Variants in PCDH9 observed in about 807,000 individuals in gnomAD.
PCDH9 encodes the protein protocadherin 9.
Under a neutral mutation model 70.6 loss-of-function variants are expected in PCDH9, and 24 were observed. The ratio of observed to expected loss-of-function variants is 0.34; its 90% CI spans 0.25 to 0.48. PCDH9 has a LOEUF of 0.48. Ranked by LOEUF, PCDH9 falls within the 20% of genes least tolerant of loss-of-function variation. The probability of loss-of-function intolerance (pLI) is 0.99; values close to 1 mark genes in which losing one functional copy is unlikely to be tolerated. For missense variants in PCDH9, 1,281 were observed against 1,503.6 expected, an observed-to-expected ratio of 0.85 and a Z score of 2.45; for synonymous variants, 562 against 558.5, an observed-to-expected ratio of 1.01 and a Z score of -0.09.
At chr13:66,631,179 C>A (rs1166474502) in intron 4 of PCDH9, 31 bp downstream of exon 4, 1 of 1,157,784 alleles carries the variant, frequency 8.6e-7, no homozygotes, top group African/African-American at 1.5e-5. Flanking sequence ...CAGAACAACT[C>A]CAAGCAATCA....
intron 3 of PCDH9, among the ~76,000 whole-genome samples, chr13:66,737,855 A>G (rs1566159444): frequency 6.6e-6 from 1 of 152,096 alleles, no homozygotes; most frequent in Non-Finnish European, 1.5e-5. Context: ...ACGCCCATGG[A>G]ATCTCGTTGA....
At chr13:66,933,921 C>T (rs1427178590) in intron 2 of PCDH9, among the ~76,000 whole-genome samples, 2 of 144,474 alleles carry the variant, frequency 1.4e-5, no homozygotes, top group Admixed American at 6.8e-5. Flanking sequence ...GGCGGGGGGG[C>T]AAAAAAGAAA....
intron 4 of PCDH9, among the ~76,000 whole-genome samples, chr13:66,434,308 GA>G (rs1035337879): frequency 1.3e-5 from 2 of 151,796 alleles, no homozygotes; most frequent in Non-Finnish European, 3.0e-5. Context: ...TTTTATGTAG[GA>G]AAAAAATACT....
At chr13:67,222,737 G>A (rs2089757808) in intron 2 of PCDH9, 1 of 151,976 alleles carries the variant, frequency 6.6e-6, no homozygotes, top group Non-Finnish European at 1.5e-5. Context: ...AGCAAGAAAT[G>A]TTACTCTTTC....
At chr13:67,004,856 C>T (rs1246490534) in intron 2 of PCDH9, among the ~76,000 whole-genome samples, 1 of 151,952 alleles carries the variant, frequency 6.6e-6, no homozygotes, top group African/African-American at 2.4e-5. Flanking sequence ...TTACTCCTGA[C>T]AAATAATAAT....
intron 4 of PCDH9, among the ~76,000 whole-genome samples, chr13:66,585,331 T>C (rs1227676278): frequency 6.6e-6 from 1 of 151,998 alleles, no homozygotes; most frequent in Non-Finnish European, 1.5e-5. Context: ...TTAGGTAGTT[T>C]TTCAATATAG....
chr13:66,408,225 A>ATT (rs1196255663), intron 4 of PCDH9, among the ~76,000 whole-genome samples: 1 of 151,882 alleles, frequency 6.6e-6, no homozygotes, highest in Non-Finnish European at 1.5e-5. Context: ...CGCCCGGCTA[A>ATT]TTTTTTGTAT....
chr13:66,984,637 T>C (rs951774058), intron 2 of PCDH9, among the ~76,000 whole-genome samples: 1 of 152,158 alleles, frequency 6.6e-6, no homozygotes, highest in Non-Finnish European at 1.5e-5. Flanking sequence ...TACACATTGG[T>C]TAGTCCCAAG....
intron 3 of PCDH9, among the ~76,000 whole-genome samples, chr13:66,843,693 T>G (rs1594136101): frequency 6.6e-6 from 1 of 152,196 alleles, no homozygotes; most frequent in East Asian, 1.9e-4. Flanking sequence ...AGCTAATGTG[T>G]ACACTCTGGA....
intron 2 of PCDH9, among the ~76,000 whole-genome samples, chr13:66,984,937 T>C (rs2083859033): frequency 6.6e-6 from 1 of 152,120 alleles, no homozygotes; most frequent in Non-Finnish European, 1.5e-5. Context: ...CCTGTTCCCA[T>C]TGCATTGGCT....
intron 3 of PCDH9, among the ~76,000 whole-genome samples, chr13:66,813,326 T>A (rs979777589): frequency 6.6e-6 from 1 of 152,154 alleles, no homozygotes; most frequent in Non-Finnish European, 1.5e-5. Flanking sequence ...AGTGGATGTA[T>A]CCTACTATTT....
At position 66,915,603 on chromosome 13, in the gene PCDH9, A is replaced by G. The variant is rs140751023; in HGVS notation, c.3037-11998T>C. Among the ~76,000 whole-genome samples, 777 of 151,750 alleles carry G rather than the reference A, an allele frequency of 5.1e-3. 4 individuals are homozygous for G. The highest frequency in any genetic ancestry group is 5.4e-3 in the Non-Finnish European group (366 of 67,742). On this transcript the variant is annotated intron_variant, in intron 2 of 4. Coordinates refer to ENST00000377865, the MANE Select transcript of PCDH9 (RefSeq NM_203487.3). The stretch of plus-strand genomic sequence containing the variant: ...ATCCAGAATATTTTGCAATCACCCA[A>G]ACAGCTACAGATTATGTAAAATATA...
At chr13:66,657,872 C>A (rs181807324) in intron 3 of PCDH9, among the ~76,000 whole-genome samples, 391 of 152,266 alleles carry the variant, frequency 2.6e-3, no homozygotes, top group Non-Finnish European at 4.5e-3. Context: ...ACAGTCCAAT[C>A]GGCCCTCTGT....
At chr13:66,747,399 A>T (rs1484603775) in intron 3 of PCDH9, among the ~76,000 whole-genome samples, 1 of 137,936 alleles carries the variant, frequency 7.2e-6, no homozygotes, top group African/African-American at 2.5e-5. Flanking sequence ...ACAAAACACA[A>T]AAAGCATATA....
chr13:66,401,589 A>T (rs1355106283), intron 4 of PCDH9, among the ~76,000 whole-genome samples: 3 of 152,160 alleles, frequency 2.0e-5, no homozygotes, highest in Admixed American at 2.0e-4. Flanking sequence ...TTACCTTCTA[A>T]CAAATATAAT....
chr13:66,388,433 C>A (rs1198425904), intron 4 of PCDH9, among the ~76,000 whole-genome samples: 1 of 151,876 alleles, frequency 6.6e-6, no homozygotes, highest in Non-Finnish European at 1.5e-5. Context: ...TGATTTTTAC[C>A]AAGATTTTTT....
chr13:66,816,912 G>C (rs564237864), intron 3 of PCDH9, among the ~76,000 whole-genome samples: 1 of 149,746 alleles, frequency 6.7e-6, no homozygotes, highest in African/African-American at 2.5e-5. Flanking sequence ...AAAGGATAAT[G>C]TGAGCTGACT....
At chr13:67,017,729 C>T (rs1210778391) in intron 2 of PCDH9, among the ~76,000 whole-genome samples, 4 of 151,944 alleles carry the variant, frequency 2.6e-5, no homozygotes, top group African/African-American at 9.7e-5. Context: ...AAAATCTCTC[C>T]AGGAATTTAA....
intron 3 of PCDH9, among the ~76,000 whole-genome samples, chr13:66,730,874 G>GTTTTTT (rs1566154009): frequency 2.2e-4 from 5 of 22,716 alleles, no homozygotes; most frequent in African/African-American, 6.5e-4. Context: ...TTGTGTGTGT[G>GTTTTTT]TGTTTTTTTT....
Sources: gnomAD v4.1 joint callset for allele counts (sites outside exome capture counted in the v4.1 genomes callset) on GRCh38, gnomAD v4.1.1 for gene constraint, MANE v1.5 for transcripts, NCBI Gene and HGNC (gene_info 2026-07-23, HGNC 2026-07-21) for gene names.